The following RNF151 variants were observed in gnomAD, a reference collection of about 807,000 sequenced individuals.
RNF151 encodes the protein ring finger protein 151.
A neutral mutation model predicts 11.1 loss-of-function variants in RNF151; 9 were observed. The ratio of observed to expected loss-of-function variants is 0.81; its 90% CI spans 0.49 to 1.42. The LOEUF is 1.42. Among genes scored for constraint, RNF151 ranks in the 40% most tolerant of loss-of-function variants. RNF151 has a pLI of 0.00. For synonymous variants in RNF151, 172 were observed against 140.7 expected (o/e 1.22, Z -1.58); for missense variants, 372 against 342.9 (o/e 1.08, Z -0.67).
Position 1,968,612 on chromosome 16 carries a change from G to A in RNF151, c.425G>A (p.Cys142Tyr). ...QHCQQGSQQR[C>Y]PLGCGATLDP... is the part of the protein sequence containing the mutation. ...TGCCAGCAAGGGTCCCAGCAGCGCTGCCCCCTGGGCTGCGGGGCCACCCTG... is the reference window on the plus strand; with the variant it reads ...TGCCAGCAAGGGTCCCAGCAGCGCTACCCCCTGGGCTGCGGGGCCACCCTG... Residue 142 changes from cysteine (C) to tyrosine (Y), a missense_variant, in exon 4 of 4, where the codon TGC becomes TAC. Cys to Tyr is a radical substitution (Grantham distance 194). Coordinates refer to ENST00000569714, the MANE Select transcript of RNF151 (RefSeq NM_174903.6). 6.3e-7 allele frequency: 1 copy of A among 1,576,062 alleles called. No individual in the cohort carries two copies. The highest frequency in any genetic ancestry group is 1.2e-5 in the South Asian group (1 of 86,292).
rs370658186 is a variant in RNF151 at position 1,967,279 on chromosome 16, C to T, written c.9C>T (p.Gly3=). ...CTGACACCTGGCCTTTGCAGGGTGG[C>T]GGGTATGATCTCAACCTCTTCGCCA... is the stretch of plus-strand genomic sequence containing the variant. The part of the protein sequence containing the change: MG[G]GYDLNLFASP... Residue 3 remains glycine (G), a synonymous_variant, in exon 2 of 4, where the codon GGC becomes GGT. Transcript: ENST00000569714. 31 of 1,612,528 alleles carry T rather than the reference C, an allele frequency of 1.9e-5. No individual in the cohort carries two copies. The highest frequency in any genetic ancestry group is 3.3e-4 in the Middle Eastern group (2 of 6,082).
In RNF151 at chr16:1,966,876, C is replaced by A. The variant is rs372724116; in HGVS notation, c.-6C>A. ...GGCCTGTGGAGCTGCTGTCTAGACG[C>A]AGATCATGGTGAGCCTGGGGCCCTC... On this transcript the variant is annotated 5_prime_UTR_variant, in exon 1 of 4. Transcript: ENST00000569714. 40 of 1,574,420 alleles carry A rather than the reference C, an allele frequency of 2.5e-5. No individual in the cohort carries two copies. Among genetic ancestry groups the A allele is most frequent in the Non-Finnish European group, 3.2e-5 (37 of 1,156,464 alleles).
In RNF151 at chr16:1,968,891, TG is replaced by T; in HGVS notation, c.709del (p.Glu237SerfsTer11). The T allele has an allele frequency of 6.3e-7, 1 of 1,599,568 alleles. No homozygotes were observed. Reference sequence around the variant, plus strand: ...GAAGGCAACGTTGGGGCTGAGGTGGTGGGGGAGCCCAGGGCCAACATACCTT... The same window carrying T: ...GAAGGCAACGTTGGGGCTGAGGTGGTGGGGAGCCCAGGGCCAACATACCTT... ...APEGNVGAEVVGEPRANIPCK is the reference protein window; with the variant it reads ...APEGNVGAEVXGEPRANIPCK On this transcript the variant is annotated frameshift_variant, in exon 4 of 4. Transcript: ENST00000569714. LOFTEE classifies it high-confidence loss of function.
chr16:1,968,858 C>A lies in RNF151; in HGVS notation c.671C>A (p.Ala224Asp). The A allele has an allele frequency of 1.3e-6, 2 of 1,598,114 alleles. No individual in the cohort carries two copies. Among genetic ancestry groups the A allele is most frequent in the Non-Finnish European group, 1.7e-6 (2 of 1,173,120 alleles). ...LEGAPQEEAE[A>D]APEGNVGAEV... is the part of the protein sequence containing the mutation. The stretch of plus-strand genomic sequence containing the variant: ...GGTGCCCCACAGGAGGAGGCCGAGG[C>A]TGCCCCAGAAGGCAACGTTGGGGCT... The change falls in exon 4 of 4, where the codon GCT (alanine) becomes GAT (aspartate). Residue 224 changes from alanine to aspartate, a missense_variant. Physicochemically the swap from Ala to Asp is moderately radical, Grantham distance 126. Coordinates refer to ENST00000569714, the MANE Select transcript of RNF151 (RefSeq NM_174903.6).
Position 1,968,946 on chromosome 16 carries a change from G to A in RNF151, c.*21G>A, listed in dbSNP as rs568231929. 15 of 1,554,234 alleles carry A rather than the reference G, an allele frequency of 9.7e-6. No individual in the cohort carries two copies. Among genetic ancestry groups the A allele is most frequent in the African/African-American group, 4.1e-5 (3 of 73,660 alleles). ...AATAGGTAAATAAAAGCAGACCCCC[G>A]GCCTGCCTGCCTCTGTGCCTGCGGC... On this transcript the variant is annotated 3_prime_UTR_variant, in exon 4 of 4. Transcript: ENST00000569714.
rs575137257 is a variant in RNF151 at position 1,967,954 on chromosome 16, A to G, written c.246+133A>G. 631 of 749,248 alleles carry G rather than the reference A, an allele frequency of 8.4e-4. 8 individuals carry two copies. In the South Asian group the frequency reaches 9.0e-3, roughly 11 times the overall value. The allele number at this position is 749,248 out of a possible 1,614,324, so 46.4% of individuals were successfully genotyped here. On this transcript the variant is annotated intron_variant, in intron 3 of 3. Coordinates refer to ENST00000569714, the MANE Select transcript of RNF151 (RefSeq NM_174903.6). ...GTGCAGCCTTGGGACGACCAGACAT[A>G]GCTGAGTTTGGATCGTGGCTCTACT...
chr16:1,968,389 T>C (rs1196549253), intron 3 of RNF151, 45 bp from the exon 4 acceptor site: 4 of 1,475,714 alleles, frequency 2.7e-6, no homozygotes, highest in Non-Finnish European at 3.6e-6. Flanking sequence ...GGGGATTCCG[T>C]GGGTGTCCTG....
Position 1,966,877 on chromosome 16 carries a change from A to T in RNF151, c.-5A>T. 6.4e-7 allele frequency: 1 copy of T among 1,573,764 alleles called. No individual in the cohort carries two copies. The highest frequency in any genetic ancestry group is 8.6e-7 in the Non-Finnish European group (1 of 1,156,088). ...GCCTGTGGAGCTGCTGTCTAGACGC[A>T]GATCATGGTGAGCCTGGGGCCCTCT... is the stretch of plus-strand genomic sequence containing the variant. On this transcript the variant is annotated 5_prime_UTR_variant, in exon 1 of 4. Transcript: ENST00000569714.
chr16:1,967,663 A>G (rs2083323425), intron 2 of RNF151, 62 bp from the exon 3 acceptor site: 2 of 1,359,388 alleles, frequency 1.5e-6, no homozygotes. Flanking sequence ...TCACCGAGTG[A>G]GGGCTTGACC....
At position 1,967,418 on chromosome 16, in the gene RNF151, A is replaced by C. The variant is rs570304833; in HGVS notation, c.148A>C (p.Arg50=). Residue 50 remains arginine (R), a splice_region_variant and synonymous_variant, in exon 2 of 4, where the codon AGA becomes CGA. Coordinates refer to ENST00000569714, the MANE Select transcript of RNF151 (RefSeq NM_174903.6). Reference sequence around the variant, plus strand: ...AAAGTGCATCCTCCGGTGGCTAGCCAGGTGCCAGCGGGTACCCAAGGGGCT... The same window carrying C: ...AAAGTGCATCCTCCGGTGGCTAGCCCGGTGCCAGCGGGTACCCAAGGGGCT... ...CKKCILRWLA[R]QKTCPCCRKE... 4 of 1,612,804 alleles carry C rather than the reference A, an allele frequency of 2.5e-6. No individual in the cohort carries two copies. The South Asian group carries it at 4.4e-5, about 18-fold the overall frequency.
At chr16:1,968,155 G>A (rs1031003166) in intron 3 of RNF151, among the ~76,000 whole-genome samples, 7 of 152,132 alleles carry the variant, frequency 4.6e-5, no homozygotes, top group African/African-American at 1.4e-4. Context: ...TGGGTAAACC[G>A]AGGTTAAAAA....
intron 2 of RNF151, 79 bp downstream of exon 2, chr16:1,967,498 A>C: frequency 7.4e-7 from 1 of 1,356,188 alleles, no homozygotes; most frequent in Non-Finnish European, 1.0e-6. Context: ...CAGAGGGGAA[A>C]GTCAGCCAAA....
intron 3 of RNF151, chr16:1,968,113 G>C (rs1044135221): frequency 1.5e-6 from 1 of 662,110 alleles, no homozygotes; most frequent in African/African-American, 1.8e-5. Context: ...CAGTGTGCCT[G>C]CCACTACTCT....
Position 1,967,245 on chromosome 16 carries a change from AGCCAGGTGCTGACACCT to A in RNF151, c.4-27_4-11del. On this transcript the variant is annotated splice_polypyrimidine_tract_variant and intron_variant, in intron 1 of 3. Transcript: ENST00000569714. ...GGACCAGGGACTGGATCACTGTCCC[AGCCAGGTGCTGACACCT>A]GGCCTTTGCAGGGTGGCGGGTATGA... The A allele has an allele frequency of 6.2e-7, 1 of 1,601,876 alleles. No individual in the cohort carries two copies. The highest frequency in any genetic ancestry group is 1.7e-5 in the Admixed American group (1 of 59,084).
chr16:1,968,188 C>T (rs557607584), intron 3 of RNF151, among the ~76,000 whole-genome samples: 1 of 152,204 alleles, frequency 6.6e-6, no homozygotes, highest in Non-Finnish European at 1.5e-5. Context: ...ATCCATACCA[C>T]TCACCAGACC....
rs371168135 is a variant in RNF151, at chr16:1,967,969, G to A, written c.246+148G>A. 144 of 722,054 alleles carry A rather than the reference G, an allele frequency of 2.0e-4. 1 individual carries two copies. The highest frequency in any genetic ancestry group is 1.9e-3 in the South Asian group (131 of 67,782). 44.7% of individuals were successfully genotyped at this position (722,054 alleles called of 1,614,324 possible). A position where few individuals can be genotyped will look rare whatever the true frequency, so the allele number is the denominator to read the frequency against. On this transcript the variant is annotated intron_variant, in intron 3 of 3. Transcript: ENST00000569714. Reference sequence around the variant, plus strand: ...GACCAGACATAGCTGAGTTTGGATCGTGGCTCTACTGCTTAGTTGCTGTGT... The same window carrying A: ...GACCAGACATAGCTGAGTTTGGATCATGGCTCTACTGCTTAGTTGCTGTGT...
In RNF151 at chr16:1,968,562, G is replaced by C. The variant is rs2083332706; in HGVS notation, c.375G>C (p.Gly125=). Residue 125 remains glycine (G), a synonymous_variant, in exon 4 of 4, where the codon GGG becomes GGC. Transcript: ENST00000569714. The stretch of plus-strand genomic sequence containing the variant: ...GCTGCACCTCGCAGGTGCCGCGTGG[G>C]ACCCTGGCAGAGCACCGGCAGCATT... The part of the protein sequence containing the change: ...NEGCTSQVPR[G]TLAEHRQHCQ... 1 of 1,606,802 alleles carries C rather than the reference G, an allele frequency of 6.2e-7. No individual in the cohort carries two copies.
In RNF151 at chr16:1,968,743, G is replaced by A. The variant is rs1299665102; in HGVS notation, c.556G>A (p.Val186Met). Residue 186 changes from valine (V) to methionine (M), a missense_variant, in exon 4 of 4, where the codon GTG becomes ATG. Physicochemically the swap from Val to Met is conservative, Grantham distance 21. Transcript: ENST00000569714. ...CCTGCTGCTGTCCCTCCTGCGGCGT[G>A]TGCGCTGGCTGGACCAAGCCACCAG... ...RPLLLSLLRR[V>M]RWLDQATSVV... The A allele has an allele frequency of 6.3e-7, 1 of 1,575,444 alleles. No homozygotes were observed. The highest frequency in any genetic ancestry group is 1.8e-5 in the Admixed American group (1 of 54,188).
rs1426401396 is a variant in RNF151 at position 1,968,063 on chromosome 16, A to T, written c.246+242A>T. On this transcript the variant is annotated intron_variant, in intron 3 of 3. Transcript: ENST00000569714. ...AAAATGGAGATTTTAGAGGACTTTT[A>T]AAATGGAGATTACAGAGGATTTTTA... 3 of 699,046 alleles carry T rather than the reference A, an allele frequency of 4.3e-6. No homozygotes were observed. In the African/African-American group the frequency reaches 5.3e-5, roughly 12 times the overall value. 43.3% of individuals were successfully genotyped at this position (699,046 alleles called of 1,614,324 possible).
Sources: allele counts gnomAD v4.1 joint callset (sites outside exome capture counted in the v4.1 genomes callset), GRCh38; gene constraint gnomAD v4.1.1; transcripts MANE v1.5; gene names NCBI Gene and HGNC (gene_info 2026-07-23, HGNC 2026-07-21).